CRB1: variants seen among roughly 807,000 people sequenced by gnomAD.
The protein encoded by CRB1 is crumbs cell polarity complex component 1, also known as protein crumbs homolog 1.
Under a neutral mutation model 120.0 loss-of-function variants are expected in CRB1, and 83 were observed. The observed-to-expected ratio is 0.69, with a 90% CI of 0.58 to 0.83. The LOEUF (loss-of-function observed/expected upper bound fraction) is 0.83, where lower values mean the gene tolerates loss of function less well. Among genes scored for constraint, CRB1 ranks in the 40% least tolerant of loss-of-function variants. The pLI is 0.00. For missense variants in CRB1, 1,699 were observed against 1,687.6 expected, an observed-to-expected ratio of 1.01 and a Z score of -0.12; for synonymous variants, 625 against 612.5, an observed-to-expected ratio of 1.02 and a Z score of -0.30.
intron 5 of CRB1, among the ~76,000 whole-genome samples, chr1:197,413,500 G>A (rs1663812846): frequency 6.6e-6 from 1 of 151,982 alleles, no homozygotes; most frequent in Non-Finnish European, 1.5e-5. Context: ...ACAAACAAAA[G>A]AAAACAAAAA....
At chr1:197,438,261 C>CA (rs2125505519) in intron 9 of CRB1, 1 of 355,202 alleles carries the variant, frequency 2.8e-6, no homozygotes, top group East Asian at 6.7e-5. Flanking sequence ...AGTTCTTTTC[C>CA]AACCCAAAAT....
In CRB1 at chr1:197,421,111, T is replaced by C; in HGVS notation, c.1283T>C (p.Leu428Pro). The change falls in exon 6 of 12, where the codon CTT becomes CCT. Residue 428 changes from leucine to proline, a missense_variant. By Grantham distance (98) the Leu-to-Pro change is moderately conservative (BLOSUM62 -3). Transcript: ENST00000367400. ...ACTTGCCATTGCCCATTTGATAACC[T>C]TTCTAGAACTTTTTATGGAGGAAGG... ...NYTCHCPFDN[L>P]SRTFYGGRDC... 1 of 1,614,212 alleles carries C rather than the reference T, an allele frequency of 6.2e-7. No individual in the cohort carries two copies. The highest frequency in any genetic ancestry group is 8.5e-7 in the Non-Finnish European group (1 of 1,180,038).
Position 197,368,871 on chromosome 1 carries a change from C to T in CRB1, c.1171+11858C>T, listed in dbSNP as rs535061493. On this transcript the variant is annotated intron_variant, in intron 5 of 11. Transcript: ENST00000367400. Reference sequence around the variant, plus strand: ...AATCCATCATTAAAGTCTTGAGGTGCTGTCCTGGCAACTTAGAAGACCTGA... The same window carrying T: ...AATCCATCATTAAAGTCTTGAGGTGTTGTCCTGGCAACTTAGAAGACCTGA... Among the ~76,000 whole-genome samples the T allele has an allele frequency of 2.6e-5, 4 of 152,290 alleles. No individual in the cohort carries two copies. In the East Asian group the frequency reaches 7.7e-4, roughly 29 times the overall value.
Position 197,357,108 on chromosome 1 carries a change from C to A in CRB1, c.1171+95C>A, listed in dbSNP as rs756598949. 11 of 1,254,886 alleles carry A rather than the reference C, an allele frequency of 8.8e-6. No homozygotes were observed. In the East Asian group the frequency reaches 1.9e-4, roughly 21 times the overall value. 77.7% of individuals were successfully genotyped at this position (1,254,886 alleles called of 1,614,324 possible). A position where few individuals can be genotyped will look rare whatever the true frequency, so the allele number is the denominator to read the frequency against. ...TGGTGTATTAGCAGGAAGAGCTGTACTGTGTAAACTCTGCTGCTGTGGTGC... is the reference window on the plus strand; with the variant it reads ...TGGTGTATTAGCAGGAAGAGCTGTAATGTGTAAACTCTGCTGCTGTGGTGC... On this transcript the variant is annotated intron_variant, in intron 5 of 11. Coordinates refer to ENST00000367400, the MANE Select transcript of CRB1 (RefSeq NM_201253.3).
intron 2 of CRB1, among the ~76,000 whole-genome samples, chr1:197,339,319 A>C (rs920333710): frequency 6.6e-6 from 1 of 152,220 alleles, no homozygotes; most frequent in Non-Finnish European, 1.5e-5. Flanking sequence ...CTGTAAATCT[A>C]TCACTATAAT....
At chr1:197,212,161 C>T in the CRB1 span, among the ~76,000 whole-genome samples, 1 of 152,068 alleles carries the variant, frequency 6.6e-6, no homozygotes, top group African/African-American at 2.4e-5. Flanking sequence ...AACTGAAAAT[C>T]TCATACACTT....
chr1:197,209,258 C>T, the CRB1 span, among the ~76,000 whole-genome samples: 1 of 152,194 alleles, frequency 6.6e-6, no homozygotes, highest in Non-Finnish European at 1.5e-5. Flanking sequence ...AGGTTCTGTC[C>T]AGAAACTTTG....
chr1:197,279,723 T>C (rs1262724932), intron 1 of CRB1, among the ~76,000 whole-genome samples: 1 of 151,756 alleles, frequency 6.6e-6, no homozygotes, highest in Non-Finnish European at 1.5e-5. Context: ...GGCTGGTAAA[T>C]AGCAATTGTG....
chr1:197,308,382 T>C (rs1657301040), intron 1 of CRB1, among the ~76,000 whole-genome samples: 1 of 152,174 alleles, frequency 6.6e-6, no homozygotes, highest in Admixed American at 6.5e-5. Flanking sequence ...AATATTCCCA[T>C]GTAACAAACC....
the CRB1 span, among the ~76,000 whole-genome samples, chr1:197,221,616 C>A: frequency 1.3e-5 from 2 of 152,132 alleles, no homozygotes; most frequent in African/African-American, 4.8e-5. Context: ...ACATTTCTCA[C>A]TGATTAGTAG....
At chr1:197,375,717 T>A (rs1226608544) in intron 5 of CRB1, among the ~76,000 whole-genome samples, 1 of 152,188 alleles carries the variant, frequency 6.6e-6, no homozygotes, top group Non-Finnish European at 1.5e-5. Flanking sequence ...TGATTCAGGA[T>A]CTTTAGCAAT....
At chr1:197,317,339 A>G (rs1657913087) in intron 1 of CRB1, among the ~76,000 whole-genome samples, 1 of 152,174 alleles carries the variant, frequency 6.6e-6, no homozygotes, top group Non-Finnish European at 1.5e-5. Flanking sequence ...AATCACTTGA[A>G]CTCGGGAAGC....
At chr1:197,309,526 G>A (rs536173952) in intron 1 of CRB1, among the ~76,000 whole-genome samples, 17 of 152,162 alleles carry the variant, frequency 1.1e-4, no homozygotes, top group South Asian at 6.2e-4. Flanking sequence ...AGGCCGAGGC[G>A]GGCGGATCAG....
chr1:197,261,548 C>G, the CRB1 span, among the ~76,000 whole-genome samples: 1 of 152,110 alleles, frequency 6.6e-6, no homozygotes, highest in African/African-American at 2.4e-5. Flanking sequence ...ATTTATGTCT[C>G]TATTCATCTA....
intron 5 of CRB1, among the ~76,000 whole-genome samples, chr1:197,373,122 C>T (rs1029364588): frequency 6.6e-6 from 1 of 152,166 alleles, no homozygotes; most frequent in African/African-American, 2.4e-5. Context: ...GTAGCTATAA[C>T]TTTACCTCTT....
At chr1:197,263,032 T>C in the CRB1 span, among the ~76,000 whole-genome samples, 2 of 152,210 alleles carry the variant, frequency 1.3e-5, no homozygotes, top group African/African-American at 4.8e-5. Flanking sequence ...TATTTTCCTT[T>C]GGGTATATAC....
At chr1:197,202,977 G>C in the CRB1 span, among the ~76,000 whole-genome samples, 1 of 147,502 alleles carries the variant, frequency 6.8e-6, no homozygotes, top group Non-Finnish European at 1.5e-5. Flanking sequence ...GTGTGTGTGT[G>C]TGTGTCTGTG....
the CRB1 span, among the ~76,000 whole-genome samples, chr1:197,215,212 AAATCT>A: frequency 6.6e-6 from 1 of 152,094 alleles, no homozygotes; most frequent in Non-Finnish European, 1.5e-5. Context: ...GTCCCCACCA[AAATCT>A]CATCTTGAAT....
intron 1 of CRB1, among the ~76,000 whole-genome samples, chr1:197,302,578 C>T (rs1034273701): frequency 6.6e-6 from 1 of 152,112 alleles, no homozygotes; most frequent in Non-Finnish European, 1.5e-5. Context: ...AAGGCAAAGC[C>T]TGCAATGGTG....
Sources: allele counts gnomAD v4.1 joint callset (sites outside exome capture counted in the v4.1 genomes callset), GRCh38; gene constraint gnomAD v4.1.1; transcripts MANE v1.5; gene names NCBI Gene and HGNC (gene_info 2026-07-23, HGNC 2026-07-21).